Variants in MAGI2 observed in about 807,000 individuals in gnomAD.
MAGI2 encodes membrane associated guanylate kinase, WW and PDZ domain containing 2.
MAGI2 carries 35 observed loss-of-function variants against 133.3 expected under a neutral mutation model. That is an observed-to-expected ratio of 0.26 (90% CI 0.20 to 0.35). The LOEUF is 0.35. MAGI2 is among the 10% of genes least tolerant of loss of function. The probability of loss-of-function intolerance (pLI) is 1.00; values close to 1 mark genes in which losing one functional copy is unlikely to be tolerated. For synonymous variants in MAGI2, 729 were observed against 710.6 expected (o/e 1.03, Z -0.41); for missense variants, 1,636 against 1,863.4 (o/e 0.88, Z 2.25).
At chr7:79,141,777 T>C (rs1822155325) in intron 1 of MAGI2, among the ~76,000 whole-genome samples, 2 of 152,074 alleles carry the variant, frequency 1.3e-5, no homozygotes, top group Admixed American at 6.6e-5. Context: ...CTGGAAGAGT[T>C]GCCATGCTCT....
chr7:78,512,579 T>A (rs13311990), intron 4 of MAGI2, among the ~76,000 whole-genome samples: 1 of 152,162 alleles, frequency 6.6e-6, no homozygotes, highest in African/African-American at 2.4e-5. Flanking sequence ...CTGATTTTTT[T>A]ATTTTTAGTA....
chr7:79,011,917 C>CT (rs1365816716), intron 1 of MAGI2, among the ~76,000 whole-genome samples: 36 of 134,490 alleles, frequency 2.7e-4, no homozygotes, highest in African/African-American at 8.7e-4. Flanking sequence ...TCCTTCCTTC[C>CT]TTCCTTCCTT....
intron 6 of MAGI2, among the ~76,000 whole-genome samples, chr7:78,440,423 A>G (rs978568068): frequency 2.0e-5 from 3 of 152,138 alleles, no homozygotes; most frequent in African/African-American, 7.2e-5. Context: ...GGTCTGGGCT[A>G]AATGAAAGGT....
intron 2 of MAGI2, among the ~76,000 whole-genome samples, chr7:78,689,382 CTG>C (rs1816710556): frequency 6.6e-6 from 1 of 152,056 alleles, no homozygotes; most frequent in Non-Finnish European, 1.5e-5. Context: ...ATTCTATAAG[CTG>C]ATATTATCAG....
chr7:79,096,329 C>T (rs1034460756), intron 1 of MAGI2, among the ~76,000 whole-genome samples: 5 of 152,154 alleles, frequency 3.3e-5, no homozygotes, highest in Admixed American at 3.3e-4. Context: ...ACAAATCCAG[C>T]CAAGAAGCCA....
At chr7:78,420,649 C>T (rs1271089040) in intron 6 of MAGI2, among the ~76,000 whole-genome samples, 2 of 151,642 alleles carry the variant, frequency 1.3e-5, no homozygotes, top group Non-Finnish European at 2.9e-5. Context: ...GTTATCATAA[C>T]ATAAGGATAG....
intron 10 of MAGI2, among the ~76,000 whole-genome samples, chr7:78,215,322 G>T (rs1788159819): frequency 6.6e-6 from 1 of 152,174 alleles, no homozygotes; most frequent in Non-Finnish European, 1.5e-5. Context: ...CTTTAAGGCT[G>T]AGGAAGTATC....
At chr7:78,528,746 T>A (rs34929497) in intron 3 of MAGI2, among the ~76,000 whole-genome samples, 2,306 of 152,234 alleles carry the variant, frequency 0.015, 22 homozygotes, top group Middle Eastern at 0.041. Context: ...CCTCATCATG[T>A]CATATGTAGT....
At chr7:79,384,261 G>A (rs182350226) in intron 1 of MAGI2, among the ~76,000 whole-genome samples, 5 of 151,568 alleles carry the variant, frequency 3.3e-5, no homozygotes, top group Admixed American at 2.0e-4. Context: ...TTAGAGAGGT[G>A]TTGATAAATA....
intron 6 of MAGI2, among the ~76,000 whole-genome samples, chr7:78,429,582 G>A (rs950575966): frequency 6.6e-6 from 1 of 151,964 alleles, no homozygotes; most frequent in East Asian, 1.9e-4. Flanking sequence ...GAATAAATAT[G>A]TACCTTTTTT....
intron 9 of MAGI2, among the ~76,000 whole-genome samples, chr7:78,284,024 C>T (rs968152691): frequency 2.0e-5 from 3 of 151,938 alleles, no homozygotes; most frequent in Non-Finnish European, 4.4e-5. Flanking sequence ...AAATAAATGC[C>T]TCAGTACCAC....
At chr7:78,872,716 T>C (rs1795130714) in intron 2 of MAGI2, among the ~76,000 whole-genome samples, 1 of 152,194 alleles carries the variant, frequency 6.6e-6, no homozygotes, top group East Asian at 1.9e-4. Context: ...GACATCTACC[T>C]ACTTTCTACC....
intron 2 of MAGI2, among the ~76,000 whole-genome samples, chr7:78,924,099 G>C (rs1402374658): frequency 6.6e-6 from 1 of 152,164 alleles, no homozygotes; most frequent in Admixed American, 6.5e-5. Context: ...TTTGGGCTGA[G>C]ACAATGGGGT....
chr7:79,362,019 G>A (rs547026925), intron 1 of MAGI2, among the ~76,000 whole-genome samples: 40 of 151,892 alleles, frequency 2.6e-4, no homozygotes, highest in Non-Finnish European at 4.6e-4. Flanking sequence ...GAAAAAATCT[G>A]GCAAAATAAG....
intron 9 of MAGI2, among the ~76,000 whole-genome samples, chr7:78,341,234 C>G (rs1790341064): frequency 6.6e-6 from 1 of 151,962 alleles, no homozygotes; most frequent in African/African-American, 2.4e-5. Context: ...GAATAAAATA[C>G]TAGGAATACA....
intron 1 of MAGI2, among the ~76,000 whole-genome samples, chr7:79,253,103 G>A (rs888839356): frequency 6.6e-6 from 1 of 152,128 alleles, no homozygotes; most frequent in Non-Finnish European, 1.5e-5. Context: ...AATCTTCAGG[G>A]TGTTGGAAGA....
chr7:79,068,535 A>G (rs1375638948), intron 1 of MAGI2, among the ~76,000 whole-genome samples: 3 of 151,986 alleles, frequency 2.0e-5, no homozygotes, highest in Non-Finnish European at 4.4e-5. Context: ...TTTTCAAAAA[A>G]CCACCGCCTG....
At chr7:78,341,041 T>C (rs559095991) in intron 9 of MAGI2, among the ~76,000 whole-genome samples, 1 of 152,188 alleles carries the variant, frequency 6.6e-6, no homozygotes. Context: ...ATTACATGAT[T>C]GTATATTTAG....
At chr7:78,665,700 G>T (rs1057466931) in intron 2 of MAGI2, among the ~76,000 whole-genome samples, 1 of 152,034 alleles carries the variant, frequency 6.6e-6, no homozygotes, top group Non-Finnish European at 1.5e-5. Flanking sequence ...CAAATTAATA[G>T]AGGAGAAAAA....
Sources: gnomAD v4.1 joint callset for allele counts (sites outside exome capture counted in the v4.1 genomes callset) on GRCh38, gnomAD v4.1.1 for gene constraint, MANE v1.5 for transcripts, NCBI Gene and HGNC (gene_info 2026-07-23, HGNC 2026-07-21) for gene names.